SLC9A2: variants seen among roughly 807,000 people sequenced by gnomAD.
SLC9A2 encodes the protein solute carrier family 9 member A2, also known as sodium/hydrogen exchanger 2.
Under a neutral mutation model 71.7 loss-of-function variants are expected in SLC9A2, and 42 were observed. That is an observed-to-expected ratio of 0.59 (90% CI 0.46 to 0.76). The LOEUF is 0.76. SLC9A2 is among the 30% of genes least tolerant of loss of function. The pLI is 0.00. For missense variants in SLC9A2, 829 were observed against 1,017.4 expected (o/e 0.81, Z 2.52); for synonymous variants, 396 against 392.5 (o/e 1.01, Z -0.10).
At position 102,696,598 on chromosome 2, in the gene SLC9A2, T is replaced by G. The variant is rs981758925; in HGVS notation, c.1586+1485T>G. Reference sequence around the variant, plus strand: ...CCGTCACACAGCAAGCAGACTCCTGTGTGTGTGTATATATGGGTGTGTGAG... The same window carrying G: ...CCGTCACACAGCAAGCAGACTCCTGGGTGTGTGTATATATGGGTGTGTGAG... On this transcript the variant is annotated intron_variant, in intron 7 of 11. Coordinates refer to ENST00000233969, the MANE Select transcript of SLC9A2 (RefSeq NM_003048.6). 1.1e-4 allele frequency among the ~76,000 whole-genome samples: 17 copies of G among 152,062 alleles called. No homozygotes were observed. In the East Asian group the frequency reaches 1.4e-3, roughly 12 times the overall value.
Position 102,678,328 on chromosome 2 carries a change from T to TAA in SLC9A2, c.1005-4922_1005-4921dup, listed in dbSNP as rs11412239. Among the ~76,000 whole-genome samples the TAA allele has an allele frequency of 8.6e-3, 1,232 of 142,848 alleles. 8 individuals are homozygous for TAA. Among genetic ancestry groups the TAA allele is most frequent in the African/African-American group, 0.018 (710 of 39,154 alleles). The allele number at this position is 142,848 out of a possible 152,430, so 93.7% of individuals were successfully genotyped here. On this transcript the variant is annotated intron_variant, in intron 3 of 11. Coordinates refer to ENST00000233969, the MANE Select transcript of SLC9A2 (RefSeq NM_003048.6). ...ATCACATTAACTAGGTATGGAAAAT[T>TAA]AAAAAAAAAAAACAGAGAGAGAGAG...
intron 3 of SLC9A2, among the ~76,000 whole-genome samples, chr2:102,669,025 G>A (rs1185828264): frequency 1.3e-5 from 2 of 152,204 alleles, no homozygotes; most frequent in African/African-American, 4.8e-5. Context: ...CGCTTTTAGA[G>A]GAAAGTGCTG....
At chr2:102,639,651 G>A (rs943222611) in intron 1 of SLC9A2, among the ~76,000 whole-genome samples, 5 of 152,144 alleles carry the variant, frequency 3.3e-5, no homozygotes, top group Admixed American at 6.5e-5. Flanking sequence ...CAATCTTCAC[G>A]ACATTTTCAT....
At position 102,708,159 on chromosome 2, in the gene SLC9A2, C is replaced by CGTG; in HGVS notation, c.2110_2112dup (p.Val704dup). ...ACTCAGACGCAGATGCCGGGACCAC[C>CGTG]GTGCTCAATTTGCAGCCCAGAGCCA... On this transcript the variant is annotated inframe_insertion, in exon 12 of 12. Transcript: ENST00000233969. 1.2e-6 allele frequency: 2 copies of CGTG among 1,614,032 alleles called. No individual in the cohort carries two copies. The highest frequency in any genetic ancestry group is 2.2e-5 in the South Asian group (2 of 91,060).
chr2:102,638,622 C>T (rs1164410317), intron 1 of SLC9A2, among the ~76,000 whole-genome samples: 1 of 152,140 alleles, frequency 6.6e-6, no homozygotes, highest in Non-Finnish European at 1.5e-5. Context: ...TGAAAGTGTT[C>T]CTTATGCTCA....
chr2:102,700,685 G>A lies in SLC9A2; in HGVS notation c.1587-385G>A, dbSNP rs570041926. Among the ~76,000 whole-genome samples, 17 of 152,160 alleles carry A rather than the reference G, an allele frequency of 1.1e-4. 1 individual carries two copies. Among genetic ancestry groups the A allele is most frequent in the African/African-American group, 3.1e-4 (13 of 41,518 alleles). On this transcript the variant is annotated intron_variant, in intron 7 of 11. Coordinates refer to ENST00000233969, the MANE Select transcript of SLC9A2 (RefSeq NM_003048.6). The stretch of plus-strand genomic sequence containing the variant: ...AGTGATAACGTTTCTGAGCAATTTC[G>A]CTAAAAGCAGAAGTAGAGAAATGGT...
At chr2:102,700,255 G>C (rs1482679257) in intron 7 of SLC9A2, among the ~76,000 whole-genome samples, 1 of 152,192 alleles carries the variant, frequency 6.6e-6, no homozygotes, top group East Asian at 1.9e-4. Flanking sequence ...TCTGGGGTTT[G>C]GCCGAGAGGT....
intron 1 of SLC9A2, among the ~76,000 whole-genome samples, chr2:102,642,032 G>C (rs1253602860): frequency 1.5e-5 from 2 of 132,716 alleles, no homozygotes; most frequent in Non-Finnish European, 3.2e-5. Flanking sequence ...AAGTACCCTA[G>C]AACTTAAAAT....
At position 102,686,121 on chromosome 2, in the gene SLC9A2, A is replaced by G. The variant is rs189388101; in HGVS notation, c.1425+1785A>G. ...GTTAGTCACAGAATGCTTTCTAGGTACCTGATGCAAATCTGAGCATCTTAC... is the reference window on the plus strand; with the variant it reads ...GTTAGTCACAGAATGCTTTCTAGGTGCCTGATGCAAATCTGAGCATCTTAC... On this transcript the variant is annotated intron_variant, in intron 5 of 11. Coordinates refer to ENST00000233969, the MANE Select transcript of SLC9A2 (RefSeq NM_003048.6). 2.6e-3 allele frequency among the ~76,000 whole-genome samples: 389 copies of G among 152,296 alleles called. 3 individuals carry two copies. The highest frequency in any genetic ancestry group is 8.8e-3 in the African/African-American group (367 of 41,554).
intron 1 of SLC9A2, among the ~76,000 whole-genome samples, chr2:102,637,791 C>A (rs1317198791): frequency 2.0e-5 from 3 of 152,202 alleles, no homozygotes; most frequent in Non-Finnish European, 4.4e-5. Flanking sequence ...AATCTGTTAC[C>A]TAATTCATGG....
chr2:102,692,776 T>C (rs76220816), intron 5 of SLC9A2, among the ~76,000 whole-genome samples: 3,295 of 152,300 alleles, frequency 0.022, 123 homozygotes, highest in African/African-American at 0.075. Flanking sequence ...GTGTTGTCGA[T>C]ACATGTTAGT....
At chr2:102,693,349 C>T (rs1259815721) in intron 5 of SLC9A2, among the ~76,000 whole-genome samples, 1 of 152,146 alleles carries the variant, frequency 6.6e-6, no homozygotes, top group Admixed American at 6.6e-5. Flanking sequence ...CTGGGACATG[C>T]AGAACTGTGC....
At chr2:102,673,776 G>A (rs1322674575) in intron 3 of SLC9A2, among the ~76,000 whole-genome samples, 1 of 151,488 alleles carries the variant, frequency 6.6e-6, no homozygotes, top group Non-Finnish European at 1.5e-5. Flanking sequence ...TATAATTGCT[G>A]AGAAATAAAT....
chr2:102,622,310 G>T (rs185353821), intron 1 of SLC9A2, among the ~76,000 whole-genome samples: 54 of 152,140 alleles, frequency 3.5e-4, no homozygotes, highest in African/African-American at 1.2e-3. Context: ...GAGCCAAAAT[G>T]AATGACCTGT....
chr2:102,654,104 T>C (rs1340476857), intron 1 of SLC9A2, among the ~76,000 whole-genome samples: 1 of 151,744 alleles, frequency 6.6e-6, no homozygotes, highest in African/African-American at 2.4e-5. Flanking sequence ...TGCAGGCCCA[T>C]GGCAGAAACC....
At chr2:102,707,082 AG>A (rs1427189675) in intron 11 of SLC9A2, among the ~76,000 whole-genome samples, 2 of 152,172 alleles carry the variant, frequency 1.3e-5, no homozygotes, top group Non-Finnish European at 2.9e-5. Flanking sequence ...AATAAACACT[AG>A]GGATTTCAAA....
chr2:102,633,972 T>A (rs1676421698), intron 1 of SLC9A2, among the ~76,000 whole-genome samples: 1 of 152,226 alleles, frequency 6.6e-6, no homozygotes, highest in African/African-American at 2.4e-5. Flanking sequence ...TAAATGACAT[T>A]CATTAGAATG....
intron 1 of SLC9A2, among the ~76,000 whole-genome samples, chr2:102,640,222 C>A (rs1027632868): frequency 1.7e-4 from 26 of 152,226 alleles, no homozygotes; most frequent in African/African-American, 5.8e-4. Flanking sequence ...TTGTGTTTCT[C>A]TGCTGTCTCT....
chr2:102,662,090 T>TA (rs1677060624), intron 2 of SLC9A2, among the ~76,000 whole-genome samples: 1 of 152,160 alleles, frequency 6.6e-6, no homozygotes, highest in African/African-American at 2.4e-5. Flanking sequence ...CTACCTGAGA[T>TA]ATTAGCTCTG....
Sources: allele counts gnomAD v4.1 joint callset (sites outside exome capture counted in the v4.1 genomes callset), GRCh38; gene constraint gnomAD v4.1.1; transcripts MANE v1.5; gene names NCBI Gene and HGNC (gene_info 2026-07-23, HGNC 2026-07-21).